Variants in TTI1 observed in about 807,000 individuals in gnomAD.
The protein encoded by TTI1 is TELO2-interacting protein 1 homolog.
Under a neutral mutation model 85.4 loss-of-function variants are expected in TTI1, and 52 were observed. That is an observed-to-expected ratio of 0.61 (90% CI 0.49 to 0.77). The LOEUF is 0.77. Among genes scored for constraint, TTI1 ranks in the 30% least tolerant of loss-of-function variants. The pLI is 0.00. For synonymous variants in TTI1, 512 were observed against 503.9 expected, an observed-to-expected ratio of 1.02 and a Z score of -0.22; for missense variants, 1,173 against 1,296.0, an observed-to-expected ratio of 0.91 and a Z score of 1.46.
At chr20:38,014,138 C>T (rs1028336541) in intron 1 of TTI1, among the ~76,000 whole-genome samples, 2 of 152,122 alleles carry the variant, frequency 1.3e-5, no homozygotes, top group Admixed American at 1.3e-4. Context: ...AAATTATGCT[C>T]GAGGCAAGAC....
intron 7 of TTI1, among the ~76,000 whole-genome samples, chr20:37,994,492 C>T (rs556473734): frequency 6.7e-6 from 1 of 149,846 alleles, no homozygotes; most frequent in Non-Finnish European, 1.5e-5. Context: ...TCTCTCCATG[C>T]GGTAATGAGG....
At chr20:38,002,854 T>C (rs1173170097) in intron 3 of TTI1, 78 bp from the exon 4 acceptor site, 1 of 1,580,794 alleles carries the variant, frequency 6.3e-7, no homozygotes, top group African/African-American at 1.3e-5. Context: ...TCTTTATAAA[T>C]TACTCAGTCT....
At chr20:38,001,676 T>C (rs1374295486) in intron 4 of TTI1, among the ~76,000 whole-genome samples, 3 of 152,102 alleles carry the variant, frequency 2.0e-5, no homozygotes, top group African/African-American at 7.2e-5. Context: ...CAAGGCAATG[T>C]ACACTCATTA....
chr20:38,020,045 C>T (rs567548738), intron 1 of TTI1, among the ~76,000 whole-genome samples: 29 of 151,756 alleles, frequency 1.9e-4, no homozygotes, highest in African/African-American at 7.0e-4. Flanking sequence ...ATGCAAAGGA[C>T]CCAAAATAGA....
rs372029930 is a variant in TTI1 at position 37,997,055 on chromosome 20, G to A, written c.2794-102C>T. On this transcript the variant is annotated intron_variant, in intron 5 of 7. Transcript: ENST00000373447. ...ATTTCATCTAGGTCTCTGCTTGGGG[G>A]AAAAAAAAAATAGAATTACTGCTGT... 3.3e-3 allele frequency: 3,645 copies of A among 1,118,172 alleles called. 23 individuals are homozygous for A. The highest frequency in any genetic ancestry group is 0.023 in the African/African-American group (1,446 of 61,718). The allele number at this position is 1,118,172 out of a possible 1,614,324, so 69.3% of individuals were successfully genotyped here.
chr20:38,031,672 T>A (rs2073908750), intron 1 of TTI1, among the ~76,000 whole-genome samples: 2 of 152,242 alleles, frequency 1.3e-5, no homozygotes. Flanking sequence ...AAGAGTGCTT[T>A]GGACATAGGT....
At chr20:38,032,089 G>A (rs938178642) in intron 1 of TTI1, among the ~76,000 whole-genome samples, 4 of 152,094 alleles carry the variant, frequency 2.6e-5, no homozygotes, top group Non-Finnish European at 4.4e-5. Flanking sequence ...CAGGAACTGG[G>A]GCCAAAAAGA....
chr20:38,003,203 TC>T (rs1424021873), intron 3 of TTI1, among the ~76,000 whole-genome samples: 1 of 151,966 alleles, frequency 6.6e-6, no homozygotes, highest in Non-Finnish European at 1.5e-5. Flanking sequence ...GCTCAAGCAA[TC>T]CCCCTGCCGT....
At chr20:38,017,022 A>C (rs546292157) in intron 1 of TTI1, among the ~76,000 whole-genome samples, 2 of 152,264 alleles carry the variant, frequency 1.3e-5, no homozygotes, top group African/African-American at 4.8e-5. Flanking sequence ...GCAATTTTCT[A>C]AACAGGTGGT....
At chr20:38,025,892 T>C (rs1226357777) in intron 1 of TTI1, among the ~76,000 whole-genome samples, 1 of 152,002 alleles carries the variant, frequency 6.6e-6, no homozygotes, top group Non-Finnish European at 1.5e-5. Flanking sequence ...AATTACCCAA[T>C]CTGAACAACA....
At chr20:38,017,089 T>C (rs1568626770) in intron 1 of TTI1, among the ~76,000 whole-genome samples, 1 of 152,202 alleles carries the variant, frequency 6.6e-6, no homozygotes, top group Admixed American at 6.5e-5. Context: ...ATGACAGTAT[T>C]TGGCATGCTG....
intron 1 of TTI1, among the ~76,000 whole-genome samples, chr20:38,029,645 C>T (rs1175592638): frequency 1.3e-5 from 2 of 151,766 alleles, no homozygotes; most frequent in African/African-American, 4.9e-5. Context: ...AGTAATGAAA[C>T]GGGACAGTAC....
Position 37,999,306 on chromosome 20 carries a change from C to T in TTI1, c.2675G>A (p.Cys892Tyr). ...TTTGTGGGACTGAAGAACAACCACACACAGATCCAGCACATCCAAGACCTG... is the reference window on the plus strand; with the variant it reads ...TTTGTGGGACTGAAGAACAACCACATACAGATCCAGCACATCCAAGACCTG... ...RLKVLDVLDL[C>Y]VVVLQSHKNQ... Residue 892 changes from cysteine to tyrosine, a missense_variant, in exon 5 of 8, where the codon TGT becomes TAT. Physicochemically the swap from Cys to Tyr is radical, Grantham distance 194. Coordinates refer to ENST00000373447, the MANE Select transcript of TTI1 (RefSeq NM_001303457.2). 6.8e-7 allele frequency: 1 copy of T among 1,474,044 alleles called. No homozygotes were observed. The allele number at this position is 1,474,044 out of a possible 1,614,324, so 91.3% of individuals were successfully genotyped here.
chr20:37,986,624 T>C (rs1047230719), intron 7 of TTI1, among the ~76,000 whole-genome samples: 1 of 152,226 alleles, frequency 6.6e-6, no homozygotes, highest in African/African-American at 2.4e-5. Context: ...ACCTGTTTCC[T>C]CTTTCTCCAA....
At chr20:37,990,653 C>T (rs1197322392) in intron 7 of TTI1, among the ~76,000 whole-genome samples, 2 of 152,200 alleles carry the variant, frequency 1.3e-5, no homozygotes, top group African/African-American at 2.4e-5. Context: ...TTTACTTCCA[C>T]GCCTCTGAGG....
chr20:37,999,391 A>G, intron 4 of TTI1, 63 bp from the exon 5 acceptor site: 5 of 1,330,572 alleles, frequency 3.8e-6, no homozygotes, highest in Non-Finnish European at 4.9e-6. Flanking sequence ...GGATCAAGTC[A>G]CCATTTTCAA....
chr20:38,024,406 A>T (rs1191885437), intron 1 of TTI1, among the ~76,000 whole-genome samples: 2 of 152,166 alleles, frequency 1.3e-5, no homozygotes, highest in African/African-American at 4.8e-5. Context: ...AAGCAAATAC[A>T]AGAAGAAAGC....
chr20:37,989,366 A>C (rs989698876), intron 7 of TTI1, among the ~76,000 whole-genome samples: 1 of 152,234 alleles, frequency 6.6e-6, no homozygotes, highest in African/African-American at 2.4e-5. Context: ...AATGATGCTA[A>C]CCATACCTCT....
chr20:37,991,267 T>C (rs1272472421), intron 7 of TTI1, among the ~76,000 whole-genome samples: 1 of 152,240 alleles, frequency 6.6e-6, no homozygotes, highest in Admixed American at 6.5e-5. Context: ...GGGAACAGCT[T>C]TGCAGTCCAA....
Sources: gnomAD v4.1 joint callset for allele counts (sites outside exome capture counted in the v4.1 genomes callset) on GRCh38, gnomAD v4.1.1 for gene constraint, MANE v1.5 for transcripts, NCBI Gene and HGNC (gene_info 2026-07-23, HGNC 2026-07-21) for gene names.